PDCD11: variants seen among roughly 807,000 people sequenced by gnomAD.
The protein encoded by PDCD11 is programmed cell death 11.
PDCD11 carries 97 observed loss-of-function variants against 198.9 expected under a neutral mutation model. The observed-to-expected ratio is 0.49, with a 90% CI of 0.41 to 0.58. The LOEUF is 0.58. Ranked by LOEUF, PDCD11 falls within the 20% of genes least tolerant of loss-of-function variation. The pLI is 0.00. For synonymous variants in PDCD11, 893 were observed against 918.0 expected, an observed-to-expected ratio of 0.97 and a Z score of 0.49; for missense variants, 2,102 against 2,312.7, an observed-to-expected ratio of 0.91 and a Z score of 1.87.
intron 29 of PDCD11, 35 bp downstream of exon 29, chr10:103,440,616 T>C: frequency 6.2e-7 from 1 of 1,608,426 alleles, no homozygotes; most frequent in South Asian, 1.1e-5. Context: ...CTGCCTATCC[T>C]CCTCCTGGAG....
intron 21 of PDCD11, among the ~76,000 whole-genome samples, chr10:103,431,573 C>T (rs1180187034): frequency 2.1e-5 from 3 of 143,092 alleles, no homozygotes; most frequent in African/African-American, 7.6e-5. Context: ...GCCTGGGTGA[C>T]AAAGCAAGAC....
chr10:103,431,773 CA>C (rs2031945499), intron 21 of PDCD11, among the ~76,000 whole-genome samples: 1 of 152,192 alleles, frequency 6.6e-6, no homozygotes. Flanking sequence ...CTGCTGAACT[CA>C]CACAGTTGTC....
chr10:103,439,845 G>C lies in PDCD11; in HGVS notation c.4125G>C (p.Lys1375Asn). The C allele has an allele frequency of 6.2e-7, 1 of 1,614,178 alleles. No homozygotes were observed. Among genetic ancestry groups the C allele is most frequent in the Non-Finnish European group, 8.5e-7 (1 of 1,180,014 alleles). Residue 1375 changes from lysine (K) to asparagine (N), a missense_variant, in exon 28 of 36, where the codon AAG (lysine) becomes AAC (asparagine). By Grantham distance (94) the Lys-to-Asn change is moderately conservative. Transcript: ENST00000369797. ...ATAACAAACACCTCCCTGAAGGGAA[G>C]CTGCTCACAGCCAGGGTCCTACGGT... is the stretch of plus-strand genomic sequence containing the variant. ...ALYNKHLPEGKLLTARVLRLN... is the reference protein window; with the variant it reads ...ALYNKHLPEGNLLTARVLRLN...
At chr10:103,398,330 C>G in intron 1 of PDCD11, 86 bp from the exon 2 acceptor site, 1 of 798,386 alleles carries the variant, frequency 1.3e-6, no homozygotes. Context: ...ATTGCTGGAA[C>G]GTTCTGTCTC....
At chr10:103,402,795 G>T (rs896630532) in intron 3 of PDCD11, among the ~76,000 whole-genome samples, 1 of 152,182 alleles carries the variant, frequency 6.6e-6, no homozygotes, top group African/African-American at 2.4e-5. Context: ...AGGCTGGAGT[G>T]CAGTGGTGTG....
In PDCD11 at chr10:103,414,021, G is replaced by A. The variant is rs201230473; in HGVS notation, c.1241G>A (p.Gly414Glu). 318 of 1,613,410 alleles carry A rather than the reference G, an allele frequency of 2.0e-4. No homozygotes were observed. Among genetic ancestry groups the A allele is most frequent in the Middle Eastern group, 3.3e-4 (2 of 6,084 alleles). ...TTCAATCCTGAGGCCTTCAAGCCAG[G>A]GAACACTCACAAGTGTAGAATTATT... ...NVFNPEAFKP[G>E]NTHKCRIIDY... The change falls in exon 10 of 36, where the codon GGG becomes GAG. Residue 414 changes from glycine to glutamate, a missense_variant. Physicochemically the swap from Gly to Glu is moderately conservative, Grantham distance 98. Coordinates refer to ENST00000369797, the MANE Select transcript of PDCD11 (RefSeq NM_014976.2).
At chr10:103,438,981 TGTTGA>T (rs1206424400) in intron 27 of PDCD11, among the ~76,000 whole-genome samples, 173 bp downstream of exon 27, 3 of 152,234 alleles carry the variant, frequency 2.0e-5, no homozygotes, top group East Asian at 1.9e-4. Context: ...TTAAAACAAC[TGTTGA>T]GTTATTAGTT....
At position 103,434,237 on chromosome 10, in the gene PDCD11, T is replaced by A. The variant is rs1160092369; in HGVS notation, c.3565-11T>A. 6.3e-7 allele frequency: 1 copy of A among 1,594,398 alleles called. No individual in the cohort carries two copies. The highest frequency in any genetic ancestry group is 8.6e-7 in the Non-Finnish European group (1 of 1,162,194). ...TCTTCAAGCATCACAGGAGTTTTTT[T>A]ATCCTTCCAGGTTCTGAAGCATCCA... On this transcript the variant is annotated splice_polypyrimidine_tract_variant and intron_variant, in intron 23 of 35. Transcript: ENST00000369797.
intron 17 of PDCD11, among the ~76,000 whole-genome samples, chr10:103,421,973 C>CAA (rs964087668): frequency 0.054 from 1,401 of 26,152 alleles, 202 homozygotes; most frequent in African/African-American, 0.18. Flanking sequence ...GACTCCGTCT[C>CAA]AAAAAAAAAA....
At chr10:103,434,109 T>G in intron 23 of PDCD11, 72 bp downstream of exon 23, 1 of 1,326,790 alleles carries the variant, frequency 7.5e-7, no homozygotes, top group Non-Finnish European at 1.1e-6. Context: ...GGTGTGTGGG[T>G]TTACAGTGGA....
intron 32 of PDCD11, 54 bp from the exon 33 acceptor site, chr10:103,443,111 C>T (rs554185122): frequency 1.0e-5 from 15 of 1,482,918 alleles, no homozygotes; most frequent in African/African-American, 8.4e-5. Flanking sequence ...CTGGATGGGG[C>T]GGGAGGCTCA....
chr10:103,440,309 C>A lies in PDCD11; in HGVS notation c.4168C>A (p.Leu1390Met), dbSNP rs1327609402. 1 of 1,613,532 alleles carries A rather than the reference C, an allele frequency of 6.2e-7. No individual in the cohort carries two copies. The highest frequency in any genetic ancestry group is 8.5e-7 in the Non-Finnish European group (1 of 1,179,812). ...TCATAGCCTTAACCACCAGAAGAAC[C>A]TGGTAGAGCTGTCTTTCCTCCCCGG... ...RVLRLNHQKN[L>M]VELSFLPGDT... Residue 1390 changes from leucine (L) to methionine (M), a missense_variant, in exon 29 of 36, where the codon CTG becomes ATG. By Grantham distance (15) the Leu-to-Met change is conservative. Transcript: ENST00000369797.
intron 16 of PDCD11, among the ~76,000 whole-genome samples, chr10:103,421,093 C>T (rs890256444): frequency 6.6e-6 from 1 of 152,206 alleles, no homozygotes; most frequent in Middle Eastern, 3.4e-3. Flanking sequence ...TCAGGCTGGT[C>T]TGGAACTCCT....
At chr10:103,431,631 C>A (rs2031938989) in intron 21 of PDCD11, among the ~76,000 whole-genome samples, 1 of 92,572 alleles carries the variant, frequency 1.1e-5, no homozygotes, top group Non-Finnish European at 2.1e-5. Flanking sequence ...AATGAATGCT[C>A]ATTTTATTAA....
At chr10:103,434,102 G>A (rs1378015944) in intron 23 of PDCD11, 65 bp downstream of exon 23, 7 of 1,371,168 alleles carry the variant, frequency 5.1e-6, no homozygotes, top group Admixed American at 1.7e-5. Flanking sequence ...AGTGCCTGGT[G>A]TGTGGGTTTA....
chr10:103,433,027 T>C (rs935720910), intron 22 of PDCD11, among the ~76,000 whole-genome samples: 3 of 152,208 alleles, frequency 2.0e-5, no homozygotes, highest in Non-Finnish European at 4.4e-5. Context: ...TCCTGTAGCA[T>C]GTTGTACTTC....
chr10:103,406,466 C>T (rs2030455113), intron 6 of PDCD11, 143 bp from the exon 7 acceptor site: 1 of 677,470 alleles, frequency 1.5e-6, no homozygotes. Flanking sequence ...GTAGTTGGCC[C>T]CTTAAAGATT....
chr10:103,443,367 G>A (rs894627578), intron 33 of PDCD11, 34 bp downstream of exon 33: 1 of 1,563,150 alleles, frequency 6.4e-7, no homozygotes, highest in Admixed American at 1.8e-5. Flanking sequence ...ACTCCTGGGA[G>A]TTCCAGGGCC....
intron 33 of PDCD11, among the ~76,000 whole-genome samples, 191 bp from the exon 34 acceptor site, chr10:103,443,724 C>T (rs962190981): frequency 6.6e-6 from 1 of 152,184 alleles, no homozygotes; most frequent in African/African-American, 2.4e-5. Flanking sequence ...TCCCCTCCGT[C>T]GTGTTGTGCC....
Sources: gnomAD v4.1 joint callset for allele counts (sites outside exome capture counted in the v4.1 genomes callset) on GRCh38, gnomAD v4.1.1 for gene constraint, MANE v1.5 for transcripts, NCBI Gene and HGNC (gene_info 2026-07-23, HGNC 2026-07-21) for gene names.